CADPS: variants seen among roughly 807,000 people sequenced by gnomAD.
The protein encoded by CADPS is calcium-dependent secretion activator 1.
A neutral mutation model predicts 167.3 loss-of-function variants in CADPS; 57 were observed. That is an observed-to-expected ratio of 0.34 (90% CI 0.28 to 0.42). CADPS has a LOEUF of 0.42. Ranked by LOEUF, CADPS falls within the 20% of genes least tolerant of loss-of-function variation. CADPS has a pLI of 1.00. For synonymous variants in CADPS, 676 were observed against 635.3 expected (o/e 1.06, Z -0.96); for missense variants, 1,414 against 1,738.1 (o/e 0.81, Z 3.32).
chr3:62,656,443 A>G (rs2071608136), intron 4 of CADPS, among the ~76,000 whole-genome samples: 1 of 152,196 alleles, frequency 6.6e-6, no homozygotes, highest in Non-Finnish European at 1.5e-5. Context: ...AATAGTTACT[A>G]GAGTTAAACT....
chr3:62,570,811 A>G (rs1267780135), intron 9 of CADPS, 61 bp downstream of exon 9: 1 of 1,107,010 alleles, frequency 9.0e-7, no homozygotes, highest in Non-Finnish European at 1.4e-6. Flanking sequence ...GTTAAAAAGC[A>G]TTCATTCATT....
In CADPS at chr3:62,516,109, T is replaced by C; in HGVS notation, c.2531A>G (p.Gln844Arg). The C allele has an allele frequency of 6.2e-7, 1 of 1,613,426 alleles. No homozygotes were observed. The highest frequency in any genetic ancestry group is 8.5e-7 in the Non-Finnish European group (1 of 1,179,480). Reference protein sequence around the residue: ...VKTVIRKCLEQAALVNYSRLS... With the variant: ...VKTVIRKCLERAALVNYSRLS... Reference sequence around the variant, plus strand: ...CCGAGAATAGTTGACTAACGCAGCCTGTTCCAGACATTTACGGATAACTGT... The same window carrying C: ...CCGAGAATAGTTGACTAACGCAGCCCGTTCCAGACATTTACGGATAACTGT... Residue 844 changes from glutamine (Q) to arginine (R), a missense_variant, in exon 16 of 30, where the codon CAG (glutamine) becomes CGG (arginine). Physicochemically the swap from Gln to Arg is conservative, Grantham distance 43. Around this residue, in one of 6 missense-constraint regions of CADPS, gnomAD observed 529 missense variants for 629.6 expected, o/e 0.84. Transcript: ENST00000383710.
intron 3 of CADPS, among the ~76,000 whole-genome samples, chr3:62,742,223 G>A (rs2080426250): frequency 6.6e-6 from 1 of 152,048 alleles, no homozygotes; most frequent in Non-Finnish European, 1.5e-5. Context: ...TAGATTCAAT[G>A]CTATTCCTAT....
At chr3:62,802,254 A>G (rs1163044489) in intron 1 of CADPS, among the ~76,000 whole-genome samples, 1 of 152,138 alleles carries the variant, frequency 6.6e-6, no homozygotes, top group African/African-American at 2.4e-5. Flanking sequence ...AAACCTACAT[A>G]CCTGTAAAAC....
At chr3:62,864,004 T>C (rs971492085) in intron 1 of CADPS, among the ~76,000 whole-genome samples, 1 of 152,220 alleles carries the variant, frequency 6.6e-6, no homozygotes, top group Admixed American at 6.5e-5. Flanking sequence ...ACCTGTGTCA[T>C]CTGTGAACTA....
chr3:62,615,398 A>G (rs528596047), intron 6 of CADPS, among the ~76,000 whole-genome samples: 1 of 152,180 alleles, frequency 6.6e-6, no homozygotes, highest in South Asian at 2.1e-4. Flanking sequence ...TTCCCAGCAA[A>G]TGATGATGAC....
chr3:62,474,522 T>C (rs927652144), intron 23 of CADPS, among the ~76,000 whole-genome samples: 1 of 152,194 alleles, frequency 6.6e-6, no homozygotes, highest in African/African-American at 2.4e-5. Context: ...ACACCCTTCC[T>C]TTCCGGCAGT....
chr3:62,523,726 C>T (rs1350449217), intron 13 of CADPS, among the ~76,000 whole-genome samples: 2 of 152,142 alleles, frequency 1.3e-5, no homozygotes, highest in African/African-American at 4.8e-5. Context: ...TCCACTGCTC[C>T]GCATATAACC....
At chr3:62,747,835 G>A (rs1364585751) in intron 3 of CADPS, among the ~76,000 whole-genome samples, 1 of 152,102 alleles carries the variant, frequency 6.6e-6, no homozygotes, top group Non-Finnish European at 1.5e-5. Flanking sequence ...TAATGGCCAA[G>A]GAGAAGTTTA....
intron 4 of CADPS, among the ~76,000 whole-genome samples, chr3:62,653,984 G>A (rs2070887807): frequency 6.6e-6 from 1 of 152,154 alleles, no homozygotes; most frequent in Non-Finnish European, 1.5e-5. Context: ...GAAATGAGAT[G>A]ACAGGCTGAT....
chr3:62,658,615 C>G (rs2072338128), intron 4 of CADPS, among the ~76,000 whole-genome samples: 1 of 152,094 alleles, frequency 6.6e-6, no homozygotes, highest in Non-Finnish European at 1.5e-5. Flanking sequence ...AAAAGAGTAT[C>G]TGGCACATAG....
At chr3:62,733,646 A>T (rs2078377878) in intron 3 of CADPS, among the ~76,000 whole-genome samples, 1 of 152,074 alleles carries the variant, frequency 6.6e-6, no homozygotes, top group African/African-American at 2.4e-5. Context: ...ATTGTGAAGC[A>T]TATTTTGTTT....
intron 29 of CADPS, among the ~76,000 whole-genome samples, chr3:62,401,533 CAAGA>C (rs765148806): frequency 2.0e-5 from 3 of 152,140 alleles, no homozygotes; most frequent in Non-Finnish European, 4.4e-5. Flanking sequence ...GCTGTTGATG[CAAGA>C]AAGAAAGCCA....
intron 3 of CADPS, among the ~76,000 whole-genome samples, chr3:62,693,254 C>T (rs891850598): frequency 2.0e-5 from 3 of 151,988 alleles, no homozygotes; most frequent in African/African-American, 7.3e-5. Context: ...CTGTTCATTT[C>T]CTTCACAGTC....
chr3:62,495,385 G>A (rs2064535776), intron 18 of CADPS, among the ~76,000 whole-genome samples: 1 of 152,214 alleles, frequency 6.6e-6, no homozygotes, highest in Admixed American at 6.5e-5. Context: ...GAATCTGTGT[G>A]ACCGGGTTGG....
chr3:62,590,386 A>G (rs2085677254), intron 7 of CADPS, among the ~76,000 whole-genome samples: 1 of 152,138 alleles, frequency 6.6e-6, no homozygotes, highest in African/African-American at 2.4e-5. Flanking sequence ...GAAAGGCAGG[A>G]TAATTCTTCC....
In CADPS at chr3:62,455,293, C is replaced by A. The variant is rs1033337083; in HGVS notation, c.3637-9496G>T. ...ACCCAGCCTCTTAACACTGCTGATA[C>A]TTAACAATGGTTGCATGCTTACTCT... On this transcript the variant is annotated intron_variant, in intron 26 of 29. Coordinates refer to ENST00000383710, the MANE Select transcript of CADPS (RefSeq NM_003716.4). This position sits in a 1 kb window ranked among gnomAD's most constrained non-coding sequence, Gnocchi z 4.4. Among the ~76,000 whole-genome samples the A allele has an allele frequency of 3.9e-5, 6 of 152,118 alleles. No homozygotes were observed. Among genetic ancestry groups the A allele is most frequent in the African/African-American group, 1.4e-4 (6 of 41,416 alleles).
In CADPS at chr3:62,420,908, A is replaced by G. The variant is rs1410251097; in HGVS notation, c.3777+17196T>C. On this transcript the variant is annotated intron_variant, in intron 28 of 29. Coordinates refer to ENST00000383710, the MANE Select transcript of CADPS (RefSeq NM_003716.4). The surrounding 1 kb of genome is among the most constrained non-coding windows in gnomAD (Gnocchi z 4.1). The stretch of plus-strand genomic sequence containing the variant: ...CACACACACACACACACACAGGCAC[A>G]CACACACACACTTGCCAGATCACTT... Among the ~76,000 whole-genome samples the G allele has an allele frequency of 1.6e-4, 22 of 137,760 alleles. No homozygotes were observed. Among genetic ancestry groups the G allele is most frequent in the African/African-American group, 5.5e-4 (19 of 34,374 alleles). The allele number at this position is 137,760 out of a possible 152,430, so 90.4% of individuals were successfully genotyped here. A position where few individuals can be genotyped will look rare whatever the true frequency, so the allele number is the denominator to read the frequency against.
At chr3:62,496,835 C>G (rs533777206) in intron 18 of CADPS, among the ~76,000 whole-genome samples, 1 of 152,266 alleles carries the variant, frequency 6.6e-6, no homozygotes, top group Admixed American at 6.5e-5. Context: ...CCTCAGTGCT[C>G]AGAAGATGGA....
Sources: allele counts gnomAD v4.1 joint callset (sites outside exome capture counted in the v4.1 genomes callset), GRCh38; gene constraint gnomAD v4.1.1; regional missense constraint gnomAD v4.1.1; non-coding constraint Gnocchi (gnomAD v3.1); transcripts MANE v1.5; gene names NCBI Gene and HGNC (gene_info 2026-07-23, HGNC 2026-07-21).